The following ALMS1 variants were observed in gnomAD, a reference collection of about 807,000 sequenced individuals.
ALMS1 encodes centrosome-associated protein ALMS1.
In ALMS1, 271 loss-of-function variants were observed where a neutral mutation model predicts 352.2. The observed-to-expected ratio is 0.77, with a 90% CI of 0.70 to 0.85. The LOEUF (loss-of-function observed/expected upper bound fraction) is 0.85. Ranked by LOEUF, ALMS1 falls within the 40% of genes least tolerant of loss-of-function variation. The pLI, the probability that ALMS1 is intolerant of heterozygous loss-of-function variation, is 0.00. For missense variants in ALMS1, 5,445 were observed against 4,870.7 expected (o/e 1.12, Z -3.51); for synonymous variants, 1,865 against 1,761.2 (o/e 1.06, Z -1.48).
chr2:73,489,778 G>C lies in ALMS1; in HGVS notation c.7819G>C (p.Ala2607Pro). Residue 2607 changes from alanine (A) to proline (P), a missense_variant, in exon 10 of 23, where the codon GCT (alanine) becomes CCT (proline). Coordinates refer to ENST00000613296, the MANE Select transcript of ALMS1 (RefSeq NM_001378454.1). The part of the protein sequence containing the change: ...LDRHPCAFRS[A>P]GPSEMTRGRQ... ...TAGACACCCTTGTGCTTTCAGATCT[G>C]CTGGACCCTCAGAAATGACCAGAGG... is the stretch of plus-strand genomic sequence containing the variant. The C allele has an allele frequency of 6.2e-7, 1 of 1,614,082 alleles. No individual in the cohort carries two copies. Among genetic ancestry groups the C allele is most frequent in the Non-Finnish European group, 8.5e-7 (1 of 1,180,020 alleles).
intron 10 of ALMS1, among the ~76,000 whole-genome samples, chr2:73,511,839 C>G (rs1192337553): frequency 6.6e-6 from 1 of 152,082 alleles, no homozygotes; most frequent in African/African-American, 2.4e-5. Flanking sequence ...AGACAGTCCT[C>G]CACAACAAAG....
At chr2:73,458,296 A>T (rs1426436895) in intron 9 of ALMS1, 1 of 152,062 alleles carries the variant, frequency 6.6e-6, no homozygotes, top group African/African-American at 2.4e-5. Context: ...TCCCTTTAAA[A>T]CTTCTCTAAA....
rs185586839 is a variant in ALMS1 at position 73,449,832 on chromosome 2, A to C, written c.3305A>C (p.Lys1102Thr). Residue 1102 changes from lysine (K) to threonine (T), a missense_variant, in exon 8 of 23, where the codon AAG (lysine) becomes ACG (threonine). Physicochemically the swap from Lys to Thr is moderately conservative, Grantham distance 78 (BLOSUM62 -1). Transcript: ENST00000613296. ...TCTACTTTCTACTCACAAAGAGAGAAGCCTGGTATTTTCTACCAACAGACC... is the reference window on the plus strand; with the variant it reads ...TCTACTTTCTACTCACAAAGAGAGACGCCTGGTATTTTCTACCAACAGACC... ...VPSTFYSQRE[K>T]PGIFYQQTLP... The C allele has an allele frequency of 1.1e-4, 175 of 1,614,136 alleles. 4 individuals carry two copies. The Admixed American group carries it at 2.8e-3, about 26-fold the overall frequency.
chr2:73,464,301 CAATA>C (rs1672276596), intron 9 of ALMS1, among the ~76,000 whole-genome samples: 1 of 152,180 alleles, frequency 6.6e-6, no homozygotes, highest in Admixed American at 6.5e-5. Flanking sequence ...ATATGCAAAT[CAATA>C]AACGTAATCC....
intron 2 of ALMS1, among the ~76,000 whole-genome samples, chr2:73,413,623 G>A (rs1196002094): frequency 6.6e-6 from 1 of 152,166 alleles, no homozygotes; most frequent in Non-Finnish European, 1.5e-5. Context: ...GAAGGGAGAG[G>A]CGTGTCAAAA....
At chr2:73,487,073 A>G (rs939007910) in intron 9 of ALMS1, among the ~76,000 whole-genome samples, 2 of 152,138 alleles carry the variant, frequency 1.3e-5, no homozygotes, top group African/African-American at 4.8e-5. Flanking sequence ...GAAAAGAAAG[A>G]AAAATGTCAC....
Position 73,424,897 on chromosome 2 carries a change from T to A in ALMS1, c.1232T>A (p.Leu411Ter). The change falls in exon 5 of 23, where the codon TTA becomes TAA. Residue 411 changes from leucine (L) to a stop codon, truncating the protein, a stop_gained. Transcript: ENST00000613296. LOFTEE classifies it high-confidence loss of function. ...EDSSKQAETY[L>*]TKGLQGKVES... ...TCATCTAAGCAGGCAGAAACATATT[T>A]AACCAGTAAGTACCCTGATTCTTTT... is the stretch of plus-strand genomic sequence containing the variant. The A allele has an allele frequency of 6.3e-7, 1 of 1,599,100 alleles. No individual in the cohort carries two copies. Among genetic ancestry groups the A allele is most frequent in the Non-Finnish European group, 8.5e-7 (1 of 1,171,824 alleles).
intron 12 of ALMS1, among the ~76,000 whole-genome samples, chr2:73,536,275 C>G (rs1674025937): frequency 6.6e-6 from 1 of 152,174 alleles, no homozygotes; most frequent in South Asian, 2.1e-4. Flanking sequence ...TTTCTGAGGC[C>G]TCCAGTGTCC....
intron 16 of ALMS1, among the ~76,000 whole-genome samples, chr2:73,579,089 G>C (rs1378786982): frequency 2.0e-5 from 1 of 48,952 alleles, no homozygotes; most frequent in African/African-American, 3.8e-4. Context: ...TTTTTTTTGA[G>C]ACGGAGTCGT....
intron 2 of ALMS1, among the ~76,000 whole-genome samples, chr2:73,414,753 A>G (rs1441825271): frequency 6.6e-6 from 1 of 151,858 alleles, no homozygotes; most frequent in Non-Finnish European, 1.5e-5. Flanking sequence ...CTCTCTCAGT[A>G]TCCTTTGCTG....
intron 1 of ALMS1, among the ~76,000 whole-genome samples, chr2:73,389,425 G>T (rs751782970): frequency 4.6e-5 from 7 of 152,082 alleles, no homozygotes; most frequent in Non-Finnish European, 1.0e-4. Flanking sequence ...ATTTTGCTGT[G>T]CAGGAGCTCT....
chr2:73,560,810 T>A (rs1674643849), intron 15 of ALMS1, among the ~76,000 whole-genome samples: 1 of 152,128 alleles, frequency 6.6e-6, no homozygotes, highest in Admixed American at 6.5e-5. Flanking sequence ...GTAAAATAAA[T>A]CAGTCACAAA....
chr2:73,559,034 T>G lies in ALMS1; in HGVS notation c.10276T>G (p.Leu3426Val). 6.2e-7 allele frequency: 1 copy of G among 1,614,034 alleles called. No homozygotes were observed. Among genetic ancestry groups the G allele is most frequent in the Non-Finnish European group, 8.5e-7 (1 of 1,179,958 alleles). ...AGTAGGAGACCCAGAAATGAAGAAC[T>G]TGCCAGACACTAAAGCCATTACACA... ...AQVGDPEMKN[L>V]PDTKAITQKE... The change falls in exon 15 of 23, where the codon TTG (leucine) becomes GTG (valine). Residue 3426 changes from leucine to valine, a missense_variant. Coordinates refer to ENST00000613296, the MANE Select transcript of ALMS1 (RefSeq NM_001378454.1).
chr2:73,440,148 T>C (rs912408331), intron 7 of ALMS1, among the ~76,000 whole-genome samples: 1 of 151,802 alleles, frequency 6.6e-6, no homozygotes, highest in Non-Finnish European at 1.5e-5. Context: ...GCCTGGCTAA[T>C]TGTTTTATAT....
At chr2:73,514,588 A>G (rs1307115780) in intron 10 of ALMS1, among the ~76,000 whole-genome samples, 1 of 152,180 alleles carries the variant, frequency 6.6e-6, no homozygotes, top group African/African-American at 2.4e-5. Context: ...GCAACGTAAA[A>G]TATGTATATA....
At chr2:73,545,037 G>A (rs1674283558) in intron 12 of ALMS1, among the ~76,000 whole-genome samples, 1 of 152,058 alleles carries the variant, frequency 6.6e-6, no homozygotes, top group Admixed American at 6.6e-5. Flanking sequence ...TAGGGGGAGT[G>A]GGAAGTTACT....
At chr2:73,446,044 G>A (rs973953808) in intron 7 of ALMS1, among the ~76,000 whole-genome samples, 5 of 152,072 alleles carry the variant, frequency 3.3e-5, no homozygotes, top group African/African-American at 4.8e-5. Context: ...TCTTCTGACA[G>A]TTTGACATAT....
At chr2:73,564,465 C>CAAAAAAA (rs367797062) in intron 15 of ALMS1, among the ~76,000 whole-genome samples, 2 of 63,346 alleles carry the variant, frequency 3.2e-5, no homozygotes, top group Non-Finnish European at 3.4e-5. Flanking sequence ...GACTCCGTCT[C>CAAAAAAA]AAAAAAAAAA....
At chr2:73,554,580 G>A (rs574903528) in intron 13 of ALMS1, among the ~76,000 whole-genome samples, 6 of 152,016 alleles carry the variant, frequency 3.9e-5, no homozygotes, top group Non-Finnish European at 7.4e-5. Context: ...GGGCGTGGTG[G>A]CGGGCGCCTG....
Sources: allele counts gnomAD v4.1 joint callset (sites outside exome capture counted in the v4.1 genomes callset), GRCh38; gene constraint gnomAD v4.1.1; transcripts MANE v1.5; gene names NCBI Gene and HGNC (gene_info 2026-07-23, HGNC 2026-07-21).